Variants in DLG2 observed in about 807,000 individuals in gnomAD.
DLG2 encodes disks large homolog 2.
In DLG2, 45 loss-of-function variants were observed where a neutral mutation model predicts 132.5. The ratio of observed to expected loss-of-function variants is 0.34; its 90% CI spans 0.27 to 0.44. The LOEUF (loss-of-function observed/expected upper bound fraction) is 0.44, where lower values mean the gene tolerates loss of function less well. DLG2 is among the 20% of genes least tolerant of loss of function. The probability of loss-of-function intolerance (pLI) is 1.00; values close to 1 mark genes in which losing one functional copy is unlikely to be tolerated. For missense variants in DLG2, 1,045 were observed against 1,196.9 expected (o/e 0.87, Z 1.87); for synonymous variants, 424 against 419.6 (o/e 1.01, Z -0.13).
chr11:84,288,539 C>A (rs1395202740), intron 7 of DLG2, among the ~76,000 whole-genome samples: 3 of 151,858 alleles, frequency 2.0e-5, no homozygotes, highest in African/African-American at 7.3e-5. Flanking sequence ...TTGAAAGAAC[C>A]AAGTACTTCT....
At chr11:84,800,827 TA>T (rs2075278822) in intron 6 of DLG2, 1 of 152,238 alleles carries the variant, frequency 6.6e-6, no homozygotes, top group African/African-American at 2.4e-5. Context: ...TTTTTAAAGT[TA>T]TTTTTACGAG....
intron 8 of DLG2, among the ~76,000 whole-genome samples, chr11:84,178,001 G>C (rs962777812): frequency 1.5e-5 from 1 of 66,560 alleles, no homozygotes; most frequent in Non-Finnish European, 4.5e-5. Flanking sequence ...AAAAATGATT[G>C]ATTAAAAAAA....
At chr11:84,674,069 T>C (rs537705602) in intron 6 of DLG2, among the ~76,000 whole-genome samples, 1 of 152,258 alleles carries the variant, frequency 6.6e-6, no homozygotes, top group Non-Finnish European at 1.5e-5. Flanking sequence ...TTAGAAAAAC[T>C]TTTCTAGAAC....
chr11:84,031,565 T>G (rs766556900), intron 11 of DLG2, among the ~76,000 whole-genome samples: 1 of 152,188 alleles, frequency 6.6e-6, no homozygotes, highest in Non-Finnish European at 1.5e-5. Context: ...AAGTCCAGCT[T>G]ATTCAGTAAA....
intron 6 of DLG2, among the ~76,000 whole-genome samples, chr11:85,015,188 T>C (rs1320146764): frequency 1.3e-5 from 2 of 152,196 alleles, no homozygotes; most frequent in Non-Finnish European, 2.9e-5. Context: ...TATCTCCCTT[T>C]GTAACATGTT....
At chr11:83,669,487 A>G (rs1435783408) in intron 18 of DLG2, among the ~76,000 whole-genome samples, 1 of 152,206 alleles carries the variant, frequency 6.6e-6, no homozygotes, top group Admixed American at 6.5e-5. Flanking sequence ...TGCAATACAC[A>G]ATTAAGGCTC....
intron 6 of DLG2, among the ~76,000 whole-genome samples, chr11:84,822,863 C>G (rs1034358792): frequency 6.6e-6 from 1 of 151,824 alleles, no homozygotes; most frequent in African/African-American, 2.4e-5. Context: ...TTAATTGAGC[C>G]ACAGTATTTA....
At chr11:84,880,229 A>G (rs1245694961) in intron 6 of DLG2, among the ~76,000 whole-genome samples, 1 of 152,138 alleles carries the variant, frequency 6.6e-6, no homozygotes, top group African/African-American at 2.4e-5. Context: ...TAAGCAGGAA[A>G]AGTAAAGGAA....
chr11:85,343,024 G>A (rs57325992), intron 3 of DLG2, among the ~76,000 whole-genome samples: 1,574 of 150,394 alleles, frequency 0.01, 20 homozygotes, highest in African/African-American at 0.035. Flanking sequence ...ATGCTGTTTC[G>A]TAATGTGAGT....
chr11:84,096,233 T>TATG (rs2097163437), intron 10 of DLG2, among the ~76,000 whole-genome samples: 1 of 152,090 alleles, frequency 6.6e-6, no homozygotes. Context: ...TACCTACTTA[T>TATG]ATGGCTACTG....
chr11:84,077,564 A>G lies in DLG2; in HGVS notation c.750-18080T>C, dbSNP rs2096846089. On this transcript the variant is annotated intron_variant, in intron 10 of 27. Transcript: ENST00000376104. ...AAAAACAAGGAAAACAAAAACAACT[A>G]TGTGCTATTTTTGCATGTTTTAGGC... 2.0e-5 allele frequency among the ~76,000 whole-genome samples: 3 copies of G among 152,304 alleles called. No homozygotes were observed. The South Asian group carries it at 6.2e-4, about 32-fold the overall frequency.
chr11:84,867,859 A>G lies in DLG2; in HGVS notation c.357+243802T>C, dbSNP rs776085713. Among the ~76,000 whole-genome samples the G allele has an allele frequency of 5.9e-5, 9 of 152,144 alleles. No individual in the cohort carries two copies. In the South Asian group the frequency reaches 1.2e-3, roughly 21 times the overall value. On this transcript the variant is annotated intron_variant, in intron 6 of 27. Coordinates refer to ENST00000376104, the MANE Select transcript of DLG2 (RefSeq NM_001142699.3). ...GGAGGCCAAGGCGGGTGGATCACGA[A>G]GTCAGGAGATGGAGACCATCCTGGC...
intron 18 of DLG2, among the ~76,000 whole-genome samples, chr11:83,649,885 T>A (rs76772799): frequency 0.021 from 3,229 of 152,292 alleles, 94 homozygotes; most frequent in African/African-American, 0.068. Flanking sequence ...TCCATTAGCA[T>A]AGGTATGAAG....
intron 7 of DLG2, among the ~76,000 whole-genome samples, chr11:84,509,514 G>C (rs2099251409): frequency 6.6e-6 from 1 of 152,134 alleles, no homozygotes; most frequent in Non-Finnish European, 1.5e-5. Flanking sequence ...CCCATGGCAA[G>C]TGAAATTACC....
intron 6 of DLG2, among the ~76,000 whole-genome samples, chr11:84,618,295 A>T (rs1008345892): frequency 6.6e-6 from 1 of 152,024 alleles, no homozygotes; most frequent in Non-Finnish European, 1.5e-5. Context: ...TGAAGCAGGG[A>T]AGCAACATGA....
At chr11:83,661,310 T>C (rs1043765947) in intron 18 of DLG2, among the ~76,000 whole-genome samples, 1 of 152,214 alleles carries the variant, frequency 6.6e-6, no homozygotes, top group Non-Finnish European at 1.5e-5. Context: ...TAACTATTCA[T>C]AATAACTATT....
intron 7 of DLG2, among the ~76,000 whole-genome samples, chr11:84,366,823 C>A (rs1006471334): frequency 6.6e-6 from 1 of 151,994 alleles, no homozygotes; most frequent in African/African-American, 2.4e-5. Context: ...AAGTCCTGAG[C>A]GCCCTACAAA....
chr11:84,342,823 G>A (rs549663755), intron 7 of DLG2, among the ~76,000 whole-genome samples: 1 of 152,012 alleles, frequency 6.6e-6, no homozygotes, highest in African/African-American at 2.4e-5. Flanking sequence ...AGGACTTGGC[G>A]CCAACACCGA....
At chr11:84,163,656 C>T (rs1024072150) in intron 8 of DLG2, 145 bp from the exon 9 acceptor site, 3 of 659,674 alleles carry the variant, frequency 4.5e-6, no homozygotes, top group Non-Finnish European at 7.6e-6. Context: ...TGTGCATTTT[C>T]ATTCAAGTGA....
Sources: gnomAD v4.1 joint callset for allele counts (sites outside exome capture counted in the v4.1 genomes callset) on GRCh38, gnomAD v4.1.1 for gene constraint, MANE v1.5 for transcripts, NCBI Gene and HGNC (gene_info 2026-07-23, HGNC 2026-07-21) for gene names.